Variants in CNTRL observed in about 807,000 individuals in gnomAD.
CNTRL encodes the protein centriolin.
In CNTRL, 233 loss-of-function variants were observed where a neutral mutation model predicts 303.7. The observed-to-expected ratio is 0.77, with a 90% CI of 0.69 to 0.86. The LOEUF is 0.86. Among genes scored for constraint, CNTRL ranks in the 40% least tolerant of loss-of-function variants. The pLI is 0.00. For synonymous variants in CNTRL, 900 were observed against 922.2 expected, an observed-to-expected ratio of 0.98 and a Z score of 0.44; for missense variants, 2,524 against 2,650.6, an observed-to-expected ratio of 0.95 and a Z score of 1.05.
rs2048993099 is a variant in CNTRL at position 121,098,664 on chromosome 9, G to A, written c.808+92G>A. On this transcript the variant is annotated intron_variant, in intron 7 of 43. Coordinates refer to ENST00000373855, the MANE Select transcript of CNTRL (RefSeq NM_007018.6). ...AAATATGTATCATGAACTTTATAAT[G>A]CTATTAAAATGTACATGGGAAATGG... 3 of 838,344 alleles carry A rather than the reference G, an allele frequency of 3.6e-6. No homozygotes were observed. In the Admixed American group the frequency reaches 8.7e-5, roughly 24 times the overall value. The allele number at this position is 838,344 out of a possible 1,614,324, so 51.9% of individuals were successfully genotyped here. A position where few individuals can be genotyped will look rare whatever the true frequency, so the allele number is the denominator to read the frequency against.
At position 121,150,245 on chromosome 9, in the gene CNTRL, C is replaced by T. The variant is rs1442337299; in HGVS notation, c.3725C>T (p.Pro1242Leu). Residue 1242 changes from proline to leucine, a missense_variant, in exon 25 of 44, where the codon CCT (proline) becomes CTT (leucine). Coordinates refer to ENST00000373855, the MANE Select transcript of CNTRL (RefSeq NM_007018.6). ...GAAGAACCCCCATTTGTGCCTCCTC[C>T]TGGATACATGATGTATACTGTGCTT... The part of the protein sequence containing the change: ...DQEEPPFVPP[P>L]GYMMYTVLPD... The T allele has an allele frequency of 6.2e-7, 1 of 1,613,998 alleles. No homozygotes were observed. The highest frequency in any genetic ancestry group is 1.3e-5 in the African/African-American group (1 of 74,916).
chr9:121,098,963 G>A (rs1415761635), intron 7 of CNTRL, among the ~76,000 whole-genome samples: 1 of 152,230 alleles, frequency 6.6e-6, no homozygotes, highest in East Asian at 1.9e-4. Flanking sequence ...GCAGTAAGGG[G>A]AGGGAGCAGC....
chr9:121,128,774 G>A (rs2050685701), intron 14 of CNTRL, among the ~76,000 whole-genome samples: 1 of 152,258 alleles, frequency 6.6e-6, no homozygotes, highest in African/African-American at 2.4e-5. Flanking sequence ...TATGGTTTTA[G>A]GTCTAACATG....
At chr9:121,142,939 A>G (rs898420708) in intron 19 of CNTRL, among the ~76,000 whole-genome samples, 2 of 151,706 alleles carry the variant, frequency 1.3e-5, no homozygotes, top group African/African-American at 4.9e-5. Context: ...AAATATCCTC[A>G]AGTTCCTTGC....
intron 18 of CNTRL, among the ~76,000 whole-genome samples, chr9:121,141,813 G>A (rs1377342041): frequency 6.6e-6 from 1 of 152,124 alleles, no homozygotes; most frequent in Non-Finnish European, 1.5e-5. Context: ...AGAAGCAAAG[G>A]CAAGTTATTT....
At chr9:121,079,056 G>A (rs774256662) in intron 1 of CNTRL, among the ~76,000 whole-genome samples, 2 of 152,092 alleles carry the variant, frequency 1.3e-5, no homozygotes, top group Non-Finnish European at 2.9e-5. Context: ...GACCAGCCAC[G>A]ATCCTGAAGC....
intron 12 of CNTRL, chr9:121,121,896 CCA>C: frequency 2.0e-6 from 2 of 985,376 alleles, no homozygotes; most frequent in Non-Finnish European, 2.4e-6. Context: ...AGCGTTCCGC[CCA>C]CAGTTTCTCT....
chr9:121,112,407 T>G, intron 8 of CNTRL, 52 bp from the exon 9 acceptor site: 1 of 1,571,746 alleles, frequency 6.4e-7, no homozygotes, highest in Non-Finnish European at 8.7e-7. Flanking sequence ...ATCACACCTT[T>G]ATACTAACTT....
chr9:121,119,376 A>G (rs1352680415), intron 12 of CNTRL, among the ~76,000 whole-genome samples: 2 of 149,260 alleles, frequency 1.3e-5, no homozygotes, highest in Admixed American at 1.3e-4. Flanking sequence ...GCTCACTGCA[A>G]CCTCCGCCTC....
In CNTRL at chr9:121,150,497, C is replaced by T. The variant is rs541410905; in HGVS notation, c.3963+14C>T. The T allele has an allele frequency of 1.4e-5, 23 of 1,608,560 alleles. No individual in the cohort carries two copies. The South Asian group carries it at 2.5e-4, about 18-fold the overall frequency. ...CACCATAACTTAGTAAGTGGAAAGA[C>T]ATACAACTCTCTTTCCACACTGCTT... On this transcript the variant is annotated intron_variant, in intron 25 of 43. Coordinates refer to ENST00000373855, the MANE Select transcript of CNTRL (RefSeq NM_007018.6).
chr9:121,146,885 A>G (rs1014257158), intron 23 of CNTRL, among the ~76,000 whole-genome samples: 3 of 152,258 alleles, frequency 2.0e-5, no homozygotes, highest in African/African-American at 7.2e-5. Flanking sequence ...GGGAGGAAAC[A>G]GCTCGTATGG....
At chr9:121,100,317 A>G (rs1258935415) in intron 7 of CNTRL, among the ~76,000 whole-genome samples, 10 of 152,190 alleles carry the variant, frequency 6.6e-5, no homozygotes, top group Non-Finnish European at 1.2e-4. Flanking sequence ...TAAGCTTCAT[A>G]AGTGAAGGAG....
chr9:121,146,178 T>C lies in CNTRL; in HGVS notation c.3381T>C (p.Asn1127=). Residue 1127 remains asparagine (N), a synonymous_variant, in exon 23 of 44, where the codon AAT becomes AAC. Transcript: ENST00000373855. The part of the protein sequence containing the change: ...AELRREVSYQ[N]DYISSMADPF... Reference sequence around the variant, plus strand: ...TTCGACGTGAAGTTTCTTATCAGAATGATTACATAAGCAGCATGGCAGATC... The same window carrying C: ...TTCGACGTGAAGTTTCTTATCAGAACGATTACATAAGCAGCATGGCAGATC... 1.2e-6 allele frequency: 2 copies of C among 1,613,742 alleles called. No homozygotes were observed. The highest frequency in any genetic ancestry group is 2.2e-5 in the East Asian group (1 of 44,870).
chr9:121,135,995 A>G lies in CNTRL; in HGVS notation c.2202+13A>G. ...AAGACTTACCCAGGTAAGTAGGAGCATGAAGCCAACTGCAAACTAAGGACC... is the reference window on the plus strand; with the variant it reads ...AAGACTTACCCAGGTAAGTAGGAGCGTGAAGCCAACTGCAAACTAAGGACC... On this transcript the variant is annotated intron_variant, in intron 15 of 43. Transcript: ENST00000373855. 1.9e-6 allele frequency: 3 copies of G among 1,579,744 alleles called. No individual in the cohort carries two copies. Among genetic ancestry groups the G allele is most frequent in the Non-Finnish European group, 2.6e-6 (3 of 1,158,166 alleles).
At chr9:121,079,990 A>G (rs2048078016) in intron 1 of CNTRL, among the ~76,000 whole-genome samples, 1 of 152,146 alleles carries the variant, frequency 6.6e-6, no homozygotes, top group Admixed American at 6.5e-5. Flanking sequence ...CAACCTCCCA[A>G]GTAGCTGGGA....
chr9:121,103,034 A>G (rs540909813), intron 7 of CNTRL, among the ~76,000 whole-genome samples: 9 of 152,350 alleles, frequency 5.9e-5, no homozygotes, highest in East Asian at 1.9e-4. Flanking sequence ...TCTTCACAGA[A>G]TTCGAAAAAA....
At chr9:121,157,919 T>A (rs1203961426) in intron 29 of CNTRL, 39 bp downstream of exon 29, 1 of 1,613,754 alleles carries the variant, frequency 6.2e-7, no homozygotes, top group South Asian at 1.1e-5. Context: ...GGGTTTGTGC[T>A]GGAAGACAGC....
chr9:121,138,747 G>A, intron 16 of CNTRL, 68 bp downstream of exon 16: 2 of 1,536,528 alleles, frequency 1.3e-6, no homozygotes, highest in Non-Finnish European at 1.8e-6. Flanking sequence ...TCTTTAGTCA[G>A]GCACTTAGCA....
At chr9:121,108,750 A>T (rs1032248791) in intron 8 of CNTRL, among the ~76,000 whole-genome samples, 1 of 152,162 alleles carries the variant, frequency 6.6e-6, no homozygotes, top group Non-Finnish European at 1.5e-5. Context: ...CCTGGGCAAC[A>T]TAATGAGACC....
Sources: gnomAD v4.1 joint callset for allele counts (sites outside exome capture counted in the v4.1 genomes callset) on GRCh38, gnomAD v4.1.1 for gene constraint, MANE v1.5 for transcripts, NCBI Gene and HGNC (gene_info 2026-07-23, HGNC 2026-07-21) for gene names.